STRBP: variants seen among roughly 807,000 people sequenced by gnomAD.
The protein encoded by STRBP is spermatid perinuclear RNA binding protein.
In STRBP, 13 loss-of-function variants were observed where a neutral mutation model predicts 80.1. The observed-to-expected ratio is 0.16, with a 90% CI of 0.11 to 0.26. The LOEUF (loss-of-function observed/expected upper bound fraction) is 0.26. Among genes scored for constraint, STRBP ranks in the 10% least tolerant of loss-of-function variants. The probability of loss-of-function intolerance (pLI) is 1.00; values close to 1 mark genes in which losing one functional copy is unlikely to be tolerated. For synonymous variants in STRBP, 284 were observed against 291.2 expected, an observed-to-expected ratio of 0.98 and a Z score of 0.25; for missense variants, 485 against 815.2, an observed-to-expected ratio of 0.59 and a Z score of 4.93.
intron 2 of STRBP, among the ~76,000 whole-genome samples, chr9:123,229,112 C>T (rs938315073): frequency 6.6e-6 from 1 of 152,098 alleles, no homozygotes; most frequent in East Asian, 1.9e-4. Context: ...ATTCCATTTA[C>T]GTGAAACATC....
chr9:123,229,113 G>A (rs754512054), intron 2 of STRBP, among the ~76,000 whole-genome samples: 26 of 152,156 alleles, frequency 1.7e-4, no homozygotes, highest in Admixed American at 1.2e-3. Flanking sequence ...TTCCATTTAC[G>A]TGAAACATCC....
At chr9:123,196,904 GA>G (rs201072336) in intron 2 of STRBP, among the ~76,000 whole-genome samples, 2,661 of 152,248 alleles carry the variant, frequency 0.017, 43 homozygotes, top group Non-Finnish European at 0.03. Flanking sequence ...CAAAAGAAAA[GA>G]AATCAGTACA....
chr9:123,225,179 C>T (rs551997315), intron 2 of STRBP, among the ~76,000 whole-genome samples: 16 of 152,066 alleles, frequency 1.1e-4, no homozygotes, highest in Non-Finnish European at 2.1e-4. Flanking sequence ...GATGAGGACA[C>T]GGGAGAAGTT....
At chr9:123,150,793 C>CA (rs1162377630) in intron 11 of STRBP, among the ~76,000 whole-genome samples, 1 of 152,056 alleles carries the variant, frequency 6.6e-6, no homozygotes, top group Non-Finnish European at 1.5e-5. Context: ...GTGAACCCCC[C>CA]ACACACTGGG....
intron 1 of STRBP, among the ~76,000 whole-genome samples, chr9:123,242,397 G>C (rs938825580): frequency 6.6e-6 from 1 of 152,196 alleles, no homozygotes; most frequent in African/African-American, 2.4e-5. Context: ...GGTGGCTCAT[G>C]CCTGTAATCC....
rs1186464406 is a variant in STRBP at position 123,251,248 on chromosome 9, G to A, written c.-301-14282C>T. ...CCCTCTCTCAAAGAAGAAGAAGAAG[G>A]AGAAGGAGAAGAAAAATAGTACAAG... On this transcript the variant is annotated intron_variant, in intron 1 of 18. Transcript: ENST00000348403. Among the ~76,000 whole-genome samples, 6 of 151,282 alleles carry A rather than the reference G, an allele frequency of 4.0e-5. No homozygotes were observed. In the East Asian group the frequency reaches 9.7e-4, roughly 24 times the overall value.
At chr9:123,174,858 A>T (rs2038153528) in intron 4 of STRBP, among the ~76,000 whole-genome samples, 1 of 152,206 alleles carries the variant, frequency 6.6e-6, no homozygotes, top group Admixed American at 6.5e-5. Flanking sequence ...TTATTGGTTC[A>T]TTTCCCTTAA....
intron 12 of STRBP, 98 bp from the exon 13 acceptor site, chr9:123,147,152 ATT>A: frequency 2.2e-6 from 2 of 927,138 alleles, no homozygotes; most frequent in Non-Finnish European, 3.2e-6. Context: ...ATTCACCAAA[ATT>A]TTTTTAAATG....
rs1452790084 is a variant in STRBP at position 123,147,864 on chromosome 9, C to A, written c.1052G>T (p.Gly351Val). Residue 351 changes from glycine (G) to valine (V), a missense_variant, in exon 12 of 19, where the codon GGG becomes GTG. Physicochemically the swap from Gly to Val is moderately radical, Grantham distance 109. Coordinates refer to ENST00000348403, the MANE Select transcript of STRBP (RefSeq NM_018387.5). ...SWSVTDKEGA[G>V]SSALKRPFED... ...AAATGGCCTCTTTAGAGCTGAAGACCCAGCACCTAAAAAAAATTATGAGGG... is the reference window on the plus strand; with the variant it reads ...AAATGGCCTCTTTAGAGCTGAAGACACAGCACCTAAAAAAAATTATGAGGG... 1 of 1,610,790 alleles carries A rather than the reference C, an allele frequency of 6.2e-7. No homozygotes were observed. The highest frequency in any genetic ancestry group is 1.7e-5 in the Admixed American group (1 of 59,688).
At position 123,211,490 on chromosome 9, in the gene STRBP, C is replaced by CT. The variant is rs893608114; in HGVS notation, c.-165+25339dup. ...ATAGGTTATTATAATAAGTACCTAC[C>CT]TTTTTTTTCCCCAATGGTGGATAAA... On this transcript the variant is annotated intron_variant, in intron 2 of 18. Transcript: ENST00000348403. 3.9e-5 allele frequency among the ~76,000 whole-genome samples: 6 copies of CT among 151,950 alleles called. No individual in the cohort carries two copies. In the South Asian group the frequency reaches 8.3e-4, roughly 21 times the overall value.
intron 6 of STRBP, among the ~76,000 whole-genome samples, chr9:123,162,490 C>T (rs562575877): frequency 9.5e-4 from 145 of 152,252 alleles, no homozygotes; most frequent in Non-Finnish European, 1.6e-3. Flanking sequence ...AATGCTGCGA[C>T]TACAGACATG....
At chr9:123,140,696 G>A (rs1234560913) in intron 13 of STRBP, among the ~76,000 whole-genome samples, 1 of 152,158 alleles carries the variant, frequency 6.6e-6, no homozygotes, top group African/African-American at 2.4e-5. Flanking sequence ...TTTTAGTCTT[G>A]TATTTCCATC....
chr9:123,258,421 C>T (rs1397931150), intron 1 of STRBP, among the ~76,000 whole-genome samples: 4 of 152,066 alleles, frequency 2.6e-5, no homozygotes, highest in African/African-American at 9.7e-5. Context: ...CAAGATGGAG[C>T]CAAGCAAATG....
intron 2 of STRBP, among the ~76,000 whole-genome samples, chr9:123,185,365 G>A (rs940665115): frequency 1.3e-5 from 2 of 152,096 alleles, no homozygotes; most frequent in Non-Finnish European, 2.9e-5. Flanking sequence ...CCAGAAGTTC[G>A]AGACCAGACT....
intron 2 of STRBP, among the ~76,000 whole-genome samples, chr9:123,191,137 C>T (rs1278816582): frequency 6.6e-6 from 1 of 152,128 alleles, no homozygotes; most frequent in Admixed American, 6.5e-5. Flanking sequence ...GTGTGAAATG[C>T]TTGGAAAAGA....
chr9:123,267,740 A>C (rs1414248071), intron 1 of STRBP, among the ~76,000 whole-genome samples: 5 of 37,066 alleles, frequency 1.3e-4, no homozygotes, highest in Admixed American at 3.7e-4. Context: ...TACCCGCCCC[A>C]CTCCCTGCCC....
chr9:123,109,935 T>TGATA (rs1564201338), intron 3 of STRBP: 2 of 152,148 alleles, frequency 1.3e-5, no homozygotes, highest in African/African-American at 4.8e-5. Context: ...AATAGATACA[T>TGATA]GATAGATATT....
chr9:123,243,108 C>T (rs959734187), intron 1 of STRBP, among the ~76,000 whole-genome samples: 9 of 151,850 alleles, frequency 5.9e-5, no homozygotes, highest in South Asian at 2.1e-4. Context: ...TATTGGTAGA[C>T]GGACAGACAC....
intron 18 of STRBP, 101 bp downstream of exon 18, chr9:123,128,113 T>G: frequency 2.1e-6 from 3 of 1,404,468 alleles, no homozygotes; most frequent in Non-Finnish European, 3.0e-6. Flanking sequence ...TGAATAAATC[T>G]GAGATCCTCC....
Sources: allele counts gnomAD v4.1 joint callset (sites outside exome capture counted in the v4.1 genomes callset), GRCh38; gene constraint gnomAD v4.1.1; transcripts MANE v1.5; gene names NCBI Gene and HGNC (gene_info 2026-07-23, HGNC 2026-07-21).